The following RAD51D variants were observed in gnomAD, a reference collection of about 807,000 sequenced individuals.
RAD51D encodes the protein RAD51 paralog D, also known as DNA repair protein RAD51 homolog 4.
RAD51D carries 38 observed loss-of-function variants against 44.1 expected under a neutral mutation model. The ratio of observed to expected loss-of-function variants is 0.86; its 90% CI spans 0.67 to 1.13. The LOEUF is 1.13. RAD51D is among the 50% of genes most tolerant of loss of function. The pLI is 0.00. For missense variants in RAD51D, 390 were observed against 414.0 expected (o/e 0.94, Z 0.50); for synonymous variants, 141 against 166.6 (o/e 0.85, Z 1.18).
intron 6 of RAD51D, among the ~76,000 whole-genome samples, chr17:35,105,837 TGGA>T (rs1261085139): frequency 6.6e-6 from 1 of 151,882 alleles, no homozygotes; most frequent in Non-Finnish European, 1.5e-5. Context: ...TAGTGGGCTC[TGGA>T]GAAAGATTCT....
At chr17:35,104,026 T>C (rs1350913937) in intron 6 of RAD51D, among the ~76,000 whole-genome samples, 1 of 152,114 alleles carries the variant, frequency 6.6e-6, no homozygotes, top group Non-Finnish European at 1.5e-5. Context: ...TGCAGTGAAC[T>C]GAGATCACAC....
rs750479232 is a variant in RAD51D at position 35,106,392 on chromosome 17, G to A, written c.570C>T (p.Ala190=). 25 of 1,612,886 alleles carry A rather than the reference G, an allele frequency of 1.6e-5. No individual in the cohort carries two copies. Among genetic ancestry groups the A allele is most frequent in the Non-Finnish European group, 2.0e-5 (24 of 1,179,426 alleles). Residue 190 remains alanine, a synonymous_variant, in exon 6 of 10, where the codon GCC becomes GCT. Coordinates refer to ENST00000345365, the MANE Select transcript of RAD51D (RefSeq NM_002878.4). ...GGCAGAACAGCAGGCTCACCTGCTG[G>A]GCCACAGTGCCTCGGAGCTCCTGCA... is the stretch of plus-strand genomic sequence containing the variant. ...DVLQELRGTV[A]QQVTGSSGTV... is the part of the protein sequence containing the mutation.
In RAD51D at chr17:35,119,812, T is replaced by C. The variant is rs1190356443; in HGVS notation, c.-199A>G. The C allele has an allele frequency of 1.4e-6, 1 of 701,388 alleles. No homozygotes were observed. Among genetic ancestry groups the C allele is most frequent in the Admixed American group, 2.0e-5 (1 of 49,388 alleles). 43.4% of individuals were successfully genotyped at this position (701,388 alleles called of 1,614,324 possible). On this transcript the variant is annotated 5_prime_UTR_variant, in exon 1 of 10. Transcript: ENST00000345365. Reference sequence around the variant, plus strand: ...TCCGCCCGCCCGGGATCCGCCGGGATTCCCGCGCCCAGAGCCCGCCCGCCG... The same window carrying C: ...TCCGCCCGCCCGGGATCCGCCGGGACTCCCGCGCCCAGAGCCCGCCCGCCG...
chr17:35,115,796 G>A lies in RAD51D; in HGVS notation c.263+2705C>T, dbSNP rs535023871. On this transcript the variant is annotated intron_variant, in intron 3 of 9. Coordinates refer to ENST00000345365, the MANE Select transcript of RAD51D (RefSeq NM_002878.4). ...GAGTCAGGAGAATCACTTGAACCCT[G>A]GAGGCGGAGGTTGCAGTGAGCCGAG... is the stretch of plus-strand genomic sequence containing the variant. Among the ~76,000 whole-genome samples, 11 of 151,738 alleles carry A rather than the reference G, an allele frequency of 7.2e-5. No individual in the cohort carries two copies. The South Asian group carries it at 2.3e-3, about 32-fold the overall frequency.
rs775651936 is a variant in RAD51D at position 35,107,424 on chromosome 17, C to A, written c.287G>T (p.Gly96Val). The A allele has an allele frequency of 1.5e-5, 24 of 1,560,394 alleles. No individual in the cohort carries two copies. The highest frequency in any genetic ancestry group is 8.8e-7 in the Non-Finnish European group (1 of 1,131,370). Residue 96 changes from glycine to valine, a missense_variant, in exon 4 of 10, where the codon GGT becomes GTT. By Grantham distance (109) the Gly-to-Val change is moderately radical. Transcript: ENST00000345365. ...TTCAGTCACTTCTCCAGTATAGAGA[C>A]CAGCATCAAGCAGTTTATCAAGACT... The part of the protein sequence containing the change: ...IGSLDKLLDA[G>V]LYTGEVTEIV...
intron 3 of RAD51D, among the ~76,000 whole-genome samples, chr17:35,114,097 T>G (rs2091708757): frequency 6.6e-6 from 1 of 151,728 alleles, no homozygotes; most frequent in South Asian, 2.1e-4. Flanking sequence ...ACGGTGAAAC[T>G]CCGTCTCTAC....
At chr17:35,107,295 C>T in intron 4 of RAD51D, 71 bp downstream of exon 4, 1 of 1,480,346 alleles carries the variant, frequency 6.8e-7, no homozygotes, top group Admixed American at 1.7e-5. Context: ...CTGAAGCTCC[C>T]CCAGGGACCC....
intron 3 of RAD51D, among the ~76,000 whole-genome samples, chr17:35,107,650 C>T (rs2091624034): frequency 6.6e-6 from 1 of 151,472 alleles, no homozygotes; most frequent in South Asian, 2.1e-4. Context: ...CATCCCTCCA[C>T]TCTTAAAGAT....
intron 3 of RAD51D, among the ~76,000 whole-genome samples, chr17:35,111,367 A>G (rs938745558): frequency 1.3e-5 from 2 of 151,286 alleles, no homozygotes; most frequent in Non-Finnish European, 2.9e-5. Flanking sequence ...AAAAAAAAAA[A>G]AGAGAGAGAG....
chr17:35,100,635 C>T lies in RAD51D; in HGVS notation c.*318G>A. The T allele has an allele frequency of 1.8e-6, 1 of 557,856 alleles. No homozygotes were observed. The highest frequency in any genetic ancestry group is 3.4e-6 in the Non-Finnish European group (1 of 297,222). 34.6% of individuals were successfully genotyped at this position (557,856 alleles called of 1,614,324 possible). ...ATGGTGATGCACAGGATTATCCATC[C>T]AGTCGCCAGCATGCCTCATCAGAGA... On this transcript the variant is annotated 3_prime_UTR_variant, in exon 10 of 10. Transcript: ENST00000345365.
At position 35,100,970 on chromosome 17, in the gene RAD51D, G is replaced by A. The variant is rs1217001362; in HGVS notation, c.970C>T (p.Gln324Ter). 2 of 1,613,134 alleles carry A rather than the reference G, an allele frequency of 1.2e-6. No homozygotes were observed. The highest frequency in any genetic ancestry group is 1.1e-5 in the South Asian group (1 of 91,064). The stretch of plus-strand genomic sequence containing the variant: ...AGCACAGGTCATGTCTGATCACCCT[G>A]TAATGTGGCACTCTGCTCTGAGGTC... Reference protein sequence around the residue: ...WGTSEQSATLQGDQT With the variant: ...WGTSEQSATL Residue 324 changes from glutamine (Q) to a stop codon, truncating the protein, a stop_gained, in exon 10 of 10, where the codon CAG (glutamine) becomes TAG (stop). Coordinates refer to ENST00000345365, the MANE Select transcript of RAD51D (RefSeq NM_002878.4). LOFTEE classifies it high-confidence loss of function.
rs762168532 is a variant in RAD51D at position 35,106,996 on chromosome 17, C to T, written c.472G>A (p.Glu158Lys). 6.2e-7 allele frequency: 1 copy of T among 1,614,216 alleles called. No individual in the cohort carries two copies. The highest frequency in any genetic ancestry group is 8.5e-7 in the Non-Finnish European group (1 of 1,180,040). The part of the protein sequence containing the change: ...QLLQAKTQDE[E>K]EQAEALRRIQ... ...CAGCATCCTGCCCTTACCTGTTCCT[C>T]CTCATCCTGGGTTTTAGCCTGAAGC... is the stretch of plus-strand genomic sequence containing the variant. Residue 158 changes from glutamate to lysine, a missense_variant, in exon 5 of 10, where the codon GAG becomes AAG. Physicochemically the swap from Glu to Lys is moderately conservative, Grantham distance 56 (BLOSUM62 1). Transcript: ENST00000345365.
At position 35,119,520 on chromosome 17, in the gene RAD51D, ACACCCGG is replaced by A. The variant is rs772997062; in HGVS notation, c.82+5_82+11del. 1.2e-6 allele frequency: 2 copies of A among 1,610,684 alleles called. No homozygotes were observed. The highest frequency in any genetic ancestry group is 4.5e-5 in the East Asian group (2 of 44,852). Reference sequence around the variant, plus strand: ...GCCCGCGCGGCTCCCTGGCACGCGCACACCCGGTCACCTGTCTTGATCCTGTGGCTCC... The same window carrying A: ...GCCCGCGCGGCTCCCTGGCACGCGCATCACCTGTCTTGATCCTGTGGCTCC... On this transcript the variant is annotated splice_donor_5th_base_variant and intron_variant, in intron 1 of 9. Coordinates refer to ENST00000345365, the MANE Select transcript of RAD51D (RefSeq NM_002878.4).
In RAD51D at chr17:35,100,541, A is replaced by G; in HGVS notation, c.*412T>C. The G allele has an allele frequency of 1.8e-6, 1 of 541,722 alleles. No homozygotes were observed. Among genetic ancestry groups the G allele is most frequent in the South Asian group, 1.5e-5 (1 of 65,234 alleles). 33.6% of individuals were successfully genotyped at this position (541,722 alleles called of 1,614,324 possible). On this transcript the variant is annotated 3_prime_UTR_variant, in exon 10 of 10. Transcript: ENST00000345365. Reference sequence around the variant, plus strand: ...GGCAGAGACAAAAGAAAAAAAAGGCAGCAGCAGCAAAGGCAAGTTAGAGGC... The same window carrying G: ...GGCAGAGACAAAAGAAAAAAAAGGCGGCAGCAGCAAAGGCAAGTTAGAGGC...
At position 35,119,702 on chromosome 17, in the gene RAD51D, C is replaced by T; in HGVS notation, c.-89G>A. ...CTCTCCAGACGCCCCTCCCCTACCC[C>T]TTCCTAGAGAGGACACAGGCGCGCT... On this transcript the variant is annotated 5_prime_UTR_variant, in exon 1 of 10. Transcript: ENST00000345365. 7.4e-7 allele frequency: 1 copy of T among 1,355,938 alleles called. No individual in the cohort carries two copies. The highest frequency in any genetic ancestry group is 1.0e-6 in the Non-Finnish European group (1 of 960,822). 84.0% of individuals were successfully genotyped at this position (1,355,938 alleles called of 1,614,324 possible). A position where few individuals can be genotyped will look rare whatever the true frequency, so the allele number is the denominator to read the frequency against.
rs771007945 is a variant in RAD51D at position 35,103,466 on chromosome 17, G to A, written c.655C>T (p.Gln219Ter). The change falls in exon 7 of 10, where the codon CAG (glutamine) becomes TAG (stop). Residue 219 changes from glutamine to a stop codon, truncating the protein, a stop_gained. Transcript: ENST00000345365. LOFTEE classifies it high-confidence loss of function. This position sits in a 1 kb window ranked among gnomAD's most constrained non-coding sequence, Gnocchi z 4.1. ...CCACATCACTCACCTTCCCTCTGCTGACCTCCCAGAAGTGGGGAAACCACC... is the reference window on the plus strand; with the variant it reads ...CCACATCACTCACCTTCCCTCTGCTAACCTCCCAGAAGTGGGGAAACCACC... Reference protein sequence around the residue: ...TAVVSPLLGGQQREGLALMMQ... With the variant: ...TAVVSPLLGG 6 of 1,614,126 alleles carry A rather than the reference G, an allele frequency of 3.7e-6. No individual in the cohort carries two copies. Among genetic ancestry groups the A allele is most frequent in the Non-Finnish European group, 5.1e-6 (6 of 1,180,004 alleles).
At chr17:35,115,571 C>T (rs747145052) in intron 3 of RAD51D, among the ~76,000 whole-genome samples, 18 of 151,988 alleles carry the variant, frequency 1.2e-4, no homozygotes, top group Non-Finnish European at 2.2e-4. Flanking sequence ...CCACAGCACA[C>T]GGTAAGAAAG....
At chr17:35,115,052 T>C (rs2091720917) in intron 3 of RAD51D, among the ~76,000 whole-genome samples, 1 of 152,170 alleles carries the variant, frequency 6.6e-6, no homozygotes, top group Non-Finnish European at 1.5e-5. Flanking sequence ...TTCCATTCCG[T>C]GCCTCTCCGA....
Position 35,097,400 on chromosome 17 carries a change from G to A in RAD51D, c.*3553C>T, listed in dbSNP as rs894831954. On this transcript the variant is annotated 3_prime_UTR_variant, in exon 10 of 10. Coordinates refer to ENST00000345365, the MANE Select transcript of RAD51D (RefSeq NM_002878.4). ...CCCAAAGTGCTGGGATTACAGGCGT[G>A]AGCCACTGCGCCTGGCTCATATGTG... 1 of 152,018 alleles carries A rather than the reference G, an allele frequency of 6.6e-6. No homozygotes were observed. Among genetic ancestry groups the A allele is most frequent in the Non-Finnish European group, 1.5e-5 (1 of 68,062 alleles). 9.4% of individuals were successfully genotyped at this position (152,018 alleles called of 1,614,324 possible).
Sources: allele counts gnomAD v4.1 joint callset (sites outside exome capture counted in the v4.1 genomes callset), GRCh38; gene constraint gnomAD v4.1.1; non-coding constraint Gnocchi (gnomAD v3.1); transcripts MANE v1.5; gene names NCBI Gene and HGNC (gene_info 2026-07-23, HGNC 2026-07-21).